The following MAD1L1 variants were observed in gnomAD, a reference collection of about 807,000 sequenced individuals.
The protein encoded by MAD1L1 is mitotic arrest deficient 1 like 1, also known as mitotic spindle assembly checkpoint protein MAD1.
A neutral mutation model predicts 96.9 loss-of-function variants in MAD1L1; 95 were observed. The ratio of observed to expected loss-of-function variants is 0.98; its 90% CI spans 0.83 to 1.16. The LOEUF is 1.16. Ranked by LOEUF, MAD1L1 falls within the 50% of genes most tolerant of loss-of-function variation. The pLI is 0.00. For missense variants in MAD1L1, 1,007 were observed against 954.4 expected (o/e 1.06, Z -0.73); for synonymous variants, 473 against 396.6 (o/e 1.19, Z -2.29).
intron 1 of MAD1L1, among the ~76,000 whole-genome samples, chr7:2,231,493 G>T (rs147326805): frequency 9.9e-5 from 15 of 152,084 alleles, no homozygotes; most frequent in Middle Eastern, 3.4e-3. Flanking sequence ...TGTAATCCCA[G>T]CTACTCCGGA....
intron 15 of MAD1L1, among the ~76,000 whole-genome samples, chr7:1,979,269 C>T (rs1780785190): frequency 1.3e-5 from 2 of 152,206 alleles, no homozygotes; most frequent in Admixed American, 6.5e-5. Flanking sequence ...CATTTGATGT[C>T]CCCTGGAGCT....
At chr7:2,071,815 A>C (rs555611686) in intron 11 of MAD1L1, among the ~76,000 whole-genome samples, 5 of 151,320 alleles carry the variant, frequency 3.3e-5, no homozygotes, top group African/African-American at 7.3e-5. Flanking sequence ...GAGCTAGGAG[A>C]GCTTCCACTC....
intron 9 of MAD1L1, among the ~76,000 whole-genome samples, chr7:2,215,360 G>A (rs1170471947): frequency 7.1e-6 from 1 of 139,892 alleles, no homozygotes; most frequent in Non-Finnish European, 1.5e-5. Context: ...CCTGGGGACA[G>A]GGCGAGACTC....
intron 11 of MAD1L1, among the ~76,000 whole-genome samples, chr7:2,092,528 G>C (rs559890305): frequency 2.6e-5 from 4 of 151,284 alleles, no homozygotes; most frequent in Non-Finnish European, 5.9e-5. Context: ...TCTGGATATC[G>C]GTGACTGTGT....
rs541072890 is a variant in MAD1L1 at position 2,055,304 on chromosome 7, T to TA, written c.1218+13889dup. On this transcript the variant is annotated intron_variant, in intron 12 of 18. Transcript: ENST00000265854. ...GAGGGAGCTGGGGGTGAGCCAGGCC[T>TA]AGGGCCAGTCAGCAGCATCCACATC... Among the ~76,000 whole-genome samples the TA allele has an allele frequency of 1.1e-4, 17 of 152,174 alleles. No homozygotes were observed. In the East Asian group the frequency reaches 2.3e-3, roughly 21 times the overall value.
At chr7:1,929,620 C>T (rs558942389) in intron 17 of MAD1L1, among the ~76,000 whole-genome samples, 6 of 152,184 alleles carry the variant, frequency 3.9e-5, no homozygotes, top group African/African-American at 7.2e-5. Flanking sequence ...CTTCTCTGAC[C>T]GGAGGTCTGG....
chr7:1,837,219 G>C (rs183468089), intron 18 of MAD1L1, among the ~76,000 whole-genome samples: 1 of 152,194 alleles, frequency 6.6e-6, no homozygotes, highest in Non-Finnish European at 1.5e-5. Flanking sequence ...AGTGTCATTC[G>C]TCATGAGGAA....
At chr7:2,102,827 C>T (rs1408129054) in intron 11 of MAD1L1, among the ~76,000 whole-genome samples, 1 of 152,190 alleles carries the variant, frequency 6.6e-6, no homozygotes, top group African/African-American at 2.4e-5. Flanking sequence ...CTCTCAGGAC[C>T]ACTCTCCACG....
At chr7:2,002,814 C>T (rs1781857645) in intron 13 of MAD1L1, among the ~76,000 whole-genome samples, 1 of 152,222 alleles carries the variant, frequency 6.6e-6, no homozygotes, top group Non-Finnish European at 1.5e-5. Context: ...GACAGTGACC[C>T]TGCACCCATG....
At chr7:1,960,748 CAA>C (rs1562563975) in intron 15 of MAD1L1, among the ~76,000 whole-genome samples, 8 of 152,084 alleles carry the variant, frequency 5.3e-5, no homozygotes, top group Admixed American at 5.2e-4. Flanking sequence ...GAACAACGGG[CAA>C]AAAATCAGGA....
chr7:2,010,125 T>C (rs925206112), intron 13 of MAD1L1, among the ~76,000 whole-genome samples: 1 of 138,566 alleles, frequency 7.2e-6, no homozygotes, highest in Non-Finnish European at 1.5e-5. Flanking sequence ...AGTACAGTCA[T>C]CTCAAGTTCT....
chr7:1,939,498 TGG>T (rs1778837024), intron 16 of MAD1L1, among the ~76,000 whole-genome samples: 1 of 1,084 alleles, frequency 9.2e-4, no homozygotes. Flanking sequence ...GGTCATGACA[TGG>T]GTCATGTCAG....
chr7:2,026,044 C>T lies in MAD1L1; in HGVS notation c.1219-11402G>A, dbSNP rs563427263. Among the ~76,000 whole-genome samples the T allele has an allele frequency of 4.8e-4, 73 of 152,060 alleles. 2 individuals carry two copies. The highest frequency in any genetic ancestry group is 2.1e-4 in the South Asian group (1 of 4,826). ...TATTTCGACTAAGAAATGATTTTTA[C>T]GCTGAATATAAATACTTATATATTT... On this transcript the variant is annotated intron_variant, in intron 12 of 18. Transcript: ENST00000265854.
intron 16 of MAD1L1, among the ~76,000 whole-genome samples, chr7:1,952,323 G>C (rs1225932739): frequency 2.6e-5 from 4 of 152,228 alleles, no homozygotes; most frequent in African/African-American, 9.6e-5. Flanking sequence ...CTCCCCGGCG[G>C]CCCGGTCCGG....
intron 10 of MAD1L1, among the ~76,000 whole-genome samples, chr7:2,187,479 G>C (rs552410314): frequency 6.6e-6 from 1 of 152,292 alleles, no homozygotes; most frequent in Non-Finnish European, 1.5e-5. Flanking sequence ...GGGGCACCAC[G>C]TGGGGTCTCG....
chr7:1,966,485 T>G (rs539569757), intron 15 of MAD1L1, among the ~76,000 whole-genome samples: 1 of 138,376 alleles, frequency 7.2e-6, no homozygotes, highest in East Asian at 2.1e-4. Context: ...CCCAAAGGTC[T>G]CAGCAAATTC....
At chr7:2,213,750 A>G (rs564706952) in intron 9 of MAD1L1, among the ~76,000 whole-genome samples, 1 of 152,298 alleles carries the variant, frequency 6.6e-6, no homozygotes, top group East Asian at 1.9e-4. Context: ...AGCAGGCCCT[A>G]GGAGAGGAGG....
intron 14 of MAD1L1, among the ~76,000 whole-genome samples, chr7:1,988,555 T>C (rs1781264050): frequency 6.6e-6 from 1 of 152,096 alleles, no homozygotes; most frequent in Admixed American, 6.5e-5. Flanking sequence ...TCGTTTTCTG[T>C]GTTTACTCCC....
At chr7:2,030,661 A>G (rs1295445393) in intron 12 of MAD1L1, among the ~76,000 whole-genome samples, 1 of 152,236 alleles carries the variant, frequency 6.6e-6, no homozygotes, top group African/African-American at 2.4e-5. Flanking sequence ...CCGCCCCGGC[A>G]GAGGAAACTG....
Sources: gnomAD v4.1 joint callset for allele counts (sites outside exome capture counted in the v4.1 genomes callset) on GRCh38, gnomAD v4.1.1 for gene constraint, MANE v1.5 for transcripts, NCBI Gene and HGNC (gene_info 2026-07-23, HGNC 2026-07-21) for gene names.